The following RPL28 variants were observed in gnomAD, a reference collection of about 807,000 sequenced individuals.
The protein encoded by RPL28 is large ribosomal subunit protein eL28.
A neutral mutation model predicts 12.5 loss-of-function variants in RPL28; 4 were observed. That is an observed-to-expected ratio of 0.32 (90% CI 0.16 to 0.73). The LOEUF (loss-of-function observed/expected upper bound fraction) is 0.73. Ranked by LOEUF, RPL28 falls within the 30% of genes least tolerant of loss-of-function variation. The pLI, the probability that RPL28 is intolerant of heterozygous loss-of-function variation, is 0.66. For missense variants in RPL28, 214 were observed against 197.7 expected, an observed-to-expected ratio of 1.08 and a Z score of -0.49; for synonymous variants, 91 against 72.5, an observed-to-expected ratio of 1.26 and a Z score of -1.30.
Position 55,389,510 on chromosome 19 carries a change from C to T in RPL28, c.*1178C>T. On this transcript the variant is annotated 3_prime_UTR_variant, in exon 5 of 5. Transcript: ENST00000344063. ...GTACCCGATTCAAAGAAGGACTCTG[C>T]TCCCTGTCTGAGACCACCCCCGGCT... The T allele has an allele frequency of 3.0e-6, 3 of 985,460 alleles. No homozygotes were observed. The highest frequency in any genetic ancestry group is 2.4e-6 in the Non-Finnish European group (2 of 829,956). 61.0% of individuals were successfully genotyped at this position (985,460 alleles called of 1,614,324 possible).
intron 4 of RPL28, among the ~76,000 whole-genome samples, chr19:55,397,138 C>A (rs1212658619): frequency 6.6e-6 from 1 of 152,212 alleles, no homozygotes; most frequent in Non-Finnish European, 1.5e-5. Context: ...CCTCAGCCTC[C>A]CAAAGTGTTA....
exon 5 of RPL28, chr19:55,403,235 A>G (rs2090074259): frequency 1.6e-6 from 1 of 611,760 alleles, no homozygotes; most frequent in African/African-American, 1.8e-5. Flanking sequence ...TTAAAAAACC[A>G]CTGAACTGTA....
At chr19:55,401,625 C>T (rs1358076881) in intron 4 of RPL28, 3 of 1,605,348 alleles carry the variant, frequency 1.9e-6, no homozygotes, top group South Asian at 1.1e-5. Flanking sequence ...TGCCGCTGGG[C>T]CCGCCGGCGC....
chr19:55,389,409 G>C lies in RPL28; in HGVS notation c.*1077G>C. The C allele has an allele frequency of 7.1e-6, 7 of 985,346 alleles. No homozygotes were observed. The highest frequency in any genetic ancestry group is 8.4e-6 in the Non-Finnish European group (7 of 829,932). The allele number at this position is 985,346 out of a possible 1,614,324, so 61.0% of individuals were successfully genotyped here. On this transcript the variant is annotated 3_prime_UTR_variant, in exon 5 of 5. Coordinates refer to ENST00000344063, the MANE Select transcript of RPL28 (RefSeq NM_000991.5). Reference sequence around the variant, plus strand: ...CTGTTGATCCTCACATGTTTCCTGGGCACCTAACTCTGTCAGCCACTGCCA... The same window carrying C: ...CTGTTGATCCTCACATGTTTCCTGGCCACCTAACTCTGTCAGCCACTGCCA...
At chr19:55,398,628 T>A (rs913546002) in intron 4 of RPL28, among the ~76,000 whole-genome samples, 1 of 152,226 alleles carries the variant, frequency 6.6e-6, no homozygotes, top group Non-Finnish European at 1.5e-5. Flanking sequence ...TGTTCAAGTG[T>A]TTTTGCCAAT....
chr19:55,396,564 T>TCCCCA (rs1569045686), downstream of RPL28, among the ~76,000 whole-genome samples: 1 of 19,156 alleles, frequency 5.2e-5, no homozygotes, highest in African/African-American at 2.4e-4. Flanking sequence ...TCCCCTCCCC[T>TCCCCA]CCCCTCCCCA....
Position 55,390,872 on chromosome 19 carries a change from G to T in RPL28, c.*2540G>T. The T allele has an allele frequency of 1.0e-6, 1 of 985,382 alleles. No homozygotes were observed. Among genetic ancestry groups the T allele is most frequent in the Non-Finnish European group, 1.2e-6 (1 of 829,912 alleles). 61.0% of individuals were successfully genotyped at this position (985,382 alleles called of 1,614,324 possible). A position where few individuals can be genotyped will look rare whatever the true frequency, so the allele number is the denominator to read the frequency against. The stretch of plus-strand genomic sequence containing the variant: ...GTGGAGACACCATTTCCCTCCTCTA[G>T]ACCTCATCTTGGAGAGAGAGATGTT... On this transcript the variant is annotated 3_prime_UTR_variant, in exon 5 of 5. Coordinates refer to ENST00000344063, the MANE Select transcript of RPL28 (RefSeq NM_000991.5).
At chr19:55,388,166 C>T (rs184860529) in intron 4 of RPL28, 77 bp from the exon 5 acceptor site, 10 of 1,546,810 alleles carry the variant, frequency 6.5e-6, no homozygotes, top group African/African-American at 2.7e-5. Context: ...TCAGCCTACT[C>T]CCCACACCCA....
chr19:55,397,962 G>C (rs979846653), intron 4 of RPL28, among the ~76,000 whole-genome samples: 9 of 152,054 alleles, frequency 5.9e-5, no homozygotes, highest in South Asian at 2.1e-4. Context: ...TTGGGAGGCC[G>C]AGGCAGGCGG....
intron 4 of RPL28, among the ~76,000 whole-genome samples, chr19:55,397,505 G>A (rs1385971196): frequency 6.6e-6 from 1 of 152,050 alleles, no homozygotes; most frequent in African/African-American, 2.4e-5. Flanking sequence ...TCAGCCTCCT[G>A]AGTAGCTGGG....
downstream of RPL28, among the ~76,000 whole-genome samples, chr19:55,395,441 CTCT>C (rs1452867435): frequency 3.8e-3 from 508 of 132,774 alleles, 2 homozygotes; most frequent in African/African-American, 0.013. Context: ...CCTTCTTTTT[CTCT>C]TTTTTTTTTT....
At chr19:55,395,194 T>C (rs568745192), downstream of RPL28, among the ~76,000 whole-genome samples, 1 of 152,158 alleles carries the variant, frequency 6.6e-6, no homozygotes, top group Non-Finnish European at 1.5e-5. Context: ...TGGAGTACAG[T>C]GGTGCGATCT....
Position 55,391,763 on chromosome 19 carries a change from T to C in RPL28, c.*3431T>C. 1 of 1,470,002 alleles carries C rather than the reference T, an allele frequency of 6.8e-7. No homozygotes were observed. Among genetic ancestry groups the C allele is most frequent in the Non-Finnish European group, 9.1e-7 (1 of 1,100,636 alleles). 91.1% of individuals were successfully genotyped at this position (1,470,002 alleles called of 1,614,324 possible). A position where few individuals can be genotyped will look rare whatever the true frequency, so the allele number is the denominator to read the frequency against. On this transcript the variant is annotated 3_prime_UTR_variant, in exon 5 of 5. Coordinates refer to ENST00000344063, the MANE Select transcript of RPL28 (RefSeq NM_000991.5). ...GATTGTAGGAATAAATTAATGACTT[T>C]TTATAAATATTTTGATCAGATGGAC...
At chr19:55,402,323 C>T (rs2090065923) in intron 4 of RPL28, among the ~76,000 whole-genome samples, 1 of 152,244 alleles carries the variant, frequency 6.6e-6, no homozygotes. Flanking sequence ...CCGAAGTTCA[C>T]AGCCTAAGAC....
downstream of RPL28, among the ~76,000 whole-genome samples, chr19:55,393,248 C>A (rs1600309712): frequency 4.3e-4 from 1 of 2,308 alleles, no homozygotes; most frequent in African/African-American, 6.7e-4. Flanking sequence ...CGACGCACCC[C>A]CCCCCCCCCC....
In RPL28 at chr19:55,391,684, G is replaced by T. The variant is rs893351446; in HGVS notation, c.*3352G>T. On this transcript the variant is annotated 3_prime_UTR_variant, in exon 5 of 5. Transcript: ENST00000344063. Reference sequence around the variant, plus strand: ...CGTGTCGATAGACCCTACTACTCAGGGTTGATGAGAAGATTAAATGTGCAA... The same window carrying T: ...CGTGTCGATAGACCCTACTACTCAGTGTTGATGAGAAGATTAAATGTGCAA... 1.3e-6 allele frequency: 2 copies of T among 1,540,226 alleles called. No homozygotes were observed. The highest frequency in any genetic ancestry group is 1.8e-6 in the Non-Finnish European group (2 of 1,137,314).
Position 55,391,704 on chromosome 19 carries a change from G to A in RPL28, c.*3372G>A, listed in dbSNP as rs376508164. On this transcript the variant is annotated 3_prime_UTR_variant, in exon 5 of 5. Coordinates refer to ENST00000344063, the MANE Select transcript of RPL28 (RefSeq NM_000991.5). ...CTCAGGGTTGATGAGAAGATTAAAT[G>A]TGCAAAACCTGCTTGACTGTGCCCA... 30 of 1,530,856 alleles carry A rather than the reference G, an allele frequency of 2.0e-5. No individual in the cohort carries two copies. Among genetic ancestry groups the A allele is most frequent in the African/African-American group, 5.5e-5 (4 of 72,768 alleles). 94.8% of individuals were successfully genotyped at this position (1,530,856 alleles called of 1,614,324 possible).
intron 4 of RPL28, among the ~76,000 whole-genome samples, chr19:55,399,517 C>A (rs1276955486): frequency 6.6e-6 from 1 of 152,174 alleles, no homozygotes; most frequent in African/African-American, 2.4e-5. Context: ...TTAGACAAAT[C>A]ATTGACCATT....
chr19:55,391,302 G>A lies in RPL28; in HGVS notation c.*2970G>A, dbSNP rs573887636. The A allele has an allele frequency of 1.4e-5, 9 of 631,526 alleles. No homozygotes were observed. The highest frequency in any genetic ancestry group is 1.1e-4 in the African/African-American group (6 of 52,780). The allele number at this position is 631,526 out of a possible 1,614,324, so 39.1% of individuals were successfully genotyped here. ...ATGCCCAGCTGTGGGGACTTGGGCAGCTCGTTTAGTAGCACCGTGCCTCAG... is the reference window on the plus strand; with the variant it reads ...ATGCCCAGCTGTGGGGACTTGGGCAACTCGTTTAGTAGCACCGTGCCTCAG... On this transcript the variant is annotated 3_prime_UTR_variant, in exon 5 of 5. Transcript: ENST00000344063.
Sources: allele counts gnomAD v4.1 joint callset (sites outside exome capture counted in the v4.1 genomes callset), GRCh38; gene constraint gnomAD v4.1.1; transcripts MANE v1.5; gene names NCBI Gene and HGNC (gene_info 2026-07-23, HGNC 2026-07-21).